Variants in PDE6D observed in about 807,000 individuals in gnomAD.
PDE6D encodes retinal rod rhodopsin-sensitive cGMP 3',5'-cyclic phosphodiesterase subunit delta.
PDE6D carries 10 observed loss-of-function variants against 21.9 expected under a neutral mutation model. The ratio of observed to expected loss-of-function variants is 0.46; its 90% CI spans 0.28 to 0.78. The LOEUF (loss-of-function observed/expected upper bound fraction) is 0.78. Among genes scored for constraint, PDE6D ranks in the 30% least tolerant of loss-of-function variants. PDE6D has a pLI of 0.12. For missense variants in PDE6D, 139 were observed against 184.8 expected, an observed-to-expected ratio of 0.75 and a Z score of 1.44; for synonymous variants, 59 against 63.5, an observed-to-expected ratio of 0.93 and a Z score of 0.34.
At chr2:231,769,522 TCTCTCTCA>T (rs906581250) in intron 1 of PDE6D, among the ~76,000 whole-genome samples, 3 of 151,542 alleles carry the variant, frequency 2.0e-5, no homozygotes, top group Non-Finnish European at 2.9e-5. Context: ...TCTCTCTCTC[TCTCTCTCA>T]CACACACACA....
intron 1 of PDE6D, among the ~76,000 whole-genome samples, chr2:231,765,684 A>G (rs2048965534): frequency 6.6e-6 from 1 of 152,164 alleles, no homozygotes; most frequent in South Asian, 2.1e-4. Flanking sequence ...TTGGGGTGGA[A>G]GCAGCTGCAA....
chr2:231,764,108 G>A (rs1003187134), intron 1 of PDE6D, among the ~76,000 whole-genome samples: 4 of 152,012 alleles, frequency 2.6e-5, no homozygotes, highest in African/African-American at 4.8e-5. Context: ...TCTTAGTCTA[G>A]TCTTGTGTGA....
chr2:231,780,278 C>G (rs2049097591), intron 1 of PDE6D, among the ~76,000 whole-genome samples: 2 of 152,164 alleles, frequency 1.3e-5, no homozygotes, highest in African/African-American at 2.4e-5. Flanking sequence ...TAGGCATAAC[C>G]GCACCGACAG....
chr2:231,771,994 G>A (rs1022542709), intron 1 of PDE6D, among the ~76,000 whole-genome samples: 1 of 152,094 alleles, frequency 6.6e-6, no homozygotes, highest in Non-Finnish European at 1.5e-5. Flanking sequence ...AACACTTTCT[G>A]GAAAATGTCT....
intron 1 of PDE6D, among the ~76,000 whole-genome samples, chr2:231,758,643 T>C (rs991716615): frequency 6.6e-6 from 1 of 152,172 alleles, no homozygotes; most frequent in African/African-American, 2.4e-5. Context: ...CCCCAAGTCA[T>C]TCCACTGAAG....
At chr2:231,734,088 C>T (rs963261584) in intron 4 of PDE6D, among the ~76,000 whole-genome samples, 1 of 151,896 alleles carries the variant, frequency 6.6e-6, no homozygotes, top group African/African-American at 2.4e-5. Context: ...GTGGCGGGCG[C>T]CTATAGTCCC....
intron 1 of PDE6D, chr2:231,768,679 G>A (rs1433845527): frequency 1.3e-5 from 2 of 152,126 alleles, no homozygotes; most frequent in Non-Finnish European, 2.9e-5. Flanking sequence ...TTACGGGCGT[G>A]AGCCACCGCG....
chr2:231,735,355 A>G (rs1462741144), intron 4 of PDE6D, among the ~76,000 whole-genome samples: 3 of 143,366 alleles, frequency 2.1e-5, no homozygotes, highest in Admixed American at 7.0e-5. Context: ...GGTGGAGTGC[A>G]GAGGCGTGAT....
Position 231,780,332 on chromosome 2 carries a change from C to T in PDE6D, c.50+733G>A, listed in dbSNP as rs1559340812. Among the ~76,000 whole-genome samples, 5 of 152,118 alleles carry T rather than the reference C, an allele frequency of 3.3e-5. 1 individual carries two copies. The South Asian group carries it at 1.0e-3, about 32-fold the overall frequency. ...CGGCTAGGAGTCCCAGCGCGAGGCA[C>T]CCCACACCTAAGCCTATGGTCCTCA... On this transcript the variant is annotated intron_variant, in intron 1 of 4. Coordinates refer to ENST00000287600, the MANE Select transcript of PDE6D (RefSeq NM_002601.4).
intron 1 of PDE6D, among the ~76,000 whole-genome samples, chr2:231,770,889 G>A (rs2049009991): frequency 6.6e-6 from 1 of 151,450 alleles, no homozygotes; most frequent in Non-Finnish European, 1.5e-5. Context: ...GGAGGCAGAG[G>A]TTGCAGTGAG....
At chr2:231,753,626 T>C (rs935543973) in intron 1 of PDE6D, among the ~76,000 whole-genome samples, 5 of 151,628 alleles carry the variant, frequency 3.3e-5, no homozygotes, top group Non-Finnish European at 5.9e-5. Flanking sequence ...GATAAAAATA[T>C]AAAAAGCCAC....
At chr2:231,749,350 C>T (rs1039958822) in intron 1 of PDE6D, among the ~76,000 whole-genome samples, 1 of 152,232 alleles carries the variant, frequency 6.6e-6, no homozygotes, top group Admixed American at 6.5e-5. Context: ...CCTGTAACCC[C>T]TTTGTTTTGG....
chr2:231,748,011 T>C (rs781019477), intron 1 of PDE6D, among the ~76,000 whole-genome samples: 1 of 152,232 alleles, frequency 6.6e-6, no homozygotes, highest in Non-Finnish European at 1.5e-5. Context: ...GCTTTTTTTT[T>C]GTTGTTCCCA....
rs1453223352 is a variant in PDE6D, at chr2:231,780,075, T to C, written c.50+990A>G. 3.3e-5 allele frequency among the ~76,000 whole-genome samples: 5 copies of C among 152,264 alleles called. No homozygotes were observed. In the East Asian group the frequency reaches 9.6e-4, roughly 29 times the overall value. ...TTGGCAGGAGAATGGAAAATTTGAA[T>C]ATCCAAGTTTGCATTTTTTCATCTG... is the stretch of plus-strand genomic sequence containing the variant. On this transcript the variant is annotated intron_variant, in intron 1 of 4. Transcript: ENST00000287600.
At chr2:231,774,125 AT>A (rs1222224933) in intron 1 of PDE6D, among the ~76,000 whole-genome samples, 11 of 151,922 alleles carry the variant, frequency 7.2e-5, no homozygotes, top group African/African-American at 2.7e-4. Flanking sequence ...TAGAGACGGG[AT>A]TTCACCATGT....
intron 1 of PDE6D, among the ~76,000 whole-genome samples, chr2:231,749,234 C>T (rs941872871): frequency 1.6e-4 from 25 of 152,302 alleles, no homozygotes; most frequent in African/African-American, 5.5e-4. Context: ...CCATGAGAAC[C>T]CGCCTCTTGC....
chr2:231,751,534 C>T (rs1363767823), intron 1 of PDE6D, among the ~76,000 whole-genome samples: 1 of 152,190 alleles, frequency 6.6e-6, no homozygotes. Context: ...TAACATCTTA[C>T]ATTTGTCACA....
At position 231,732,861 on chromosome 2, in the gene PDE6D, G is replaced by T; in HGVS notation, c.*91C>A. On this transcript the variant is annotated 3_prime_UTR_variant, in exon 5 of 5. Transcript: ENST00000287600. ...TGTTGAGGGAATTAGGGGTGTATGT[G>T]TCAAAAATCAAACGTGTGGAGGAAA... The T allele has an allele frequency of 1.2e-6, 1 of 849,600 alleles. No individual in the cohort carries two copies. Among genetic ancestry groups the T allele is most frequent in the Non-Finnish European group, 2.0e-6 (1 of 502,450 alleles). 52.6% of individuals were successfully genotyped at this position (849,600 alleles called of 1,614,324 possible). A position where few individuals can be genotyped will look rare whatever the true frequency, so the allele number is the denominator to read the frequency against.
At chr2:231,738,893 C>T (rs1237399641) in intron 2 of PDE6D, among the ~76,000 whole-genome samples, 1 of 132,232 alleles carries the variant, frequency 7.6e-6, no homozygotes, top group African/African-American at 2.9e-5. Context: ...TCCATCCAGC[C>T]TGGGTGATAG....
Sources: allele counts gnomAD v4.1 joint callset (sites outside exome capture counted in the v4.1 genomes callset), GRCh38; gene constraint gnomAD v4.1.1; transcripts MANE v1.5; gene names NCBI Gene and HGNC (gene_info 2026-07-23, HGNC 2026-07-21).